Variants in ABLIM1 observed in about 807,000 individuals in gnomAD.
ABLIM1 encodes actin-binding LIM protein 1.
A neutral mutation model predicts 107.0 loss-of-function variants in ABLIM1; 40 were observed. The observed-to-expected ratio is 0.37, with a 90% CI of 0.29 to 0.49. The LOEUF is 0.49. Ranked by LOEUF, ABLIM1 falls within the 20% of genes least tolerant of loss-of-function variation. The pLI is 0.97. For synonymous variants in ABLIM1, 357 were observed against 357.3 expected, an observed-to-expected ratio of 1.00 and a Z score of 0.01; for missense variants, 857 against 1,008.5, an observed-to-expected ratio of 0.85 and a Z score of 2.04.
rs754739018 is a variant in ABLIM1, at chr10:114,436,243, C to T, written c.*17G>A. 2.1e-5 allele frequency: 34 copies of T among 1,591,252 alleles called. No homozygotes were observed. Among genetic ancestry groups the T allele is most frequent in the African/African-American group, 2.7e-5 (2 of 74,356 alleles). ...CCACTGTCAGTCCTTTCTCTAATTG[C>T]CATTCACGAGTGGGACTTAGAAGAG... is the stretch of plus-strand genomic sequence containing the variant. On this transcript the variant is annotated 3_prime_UTR_variant, in exon 23 of 23. Coordinates refer to ENST00000533213, the MANE Select transcript of ABLIM1 (RefSeq NM_002313.7).
chr10:114,500,043 TC>T (rs2060189333), intron 6 of ABLIM1, among the ~76,000 whole-genome samples: 1 of 152,308 alleles, frequency 6.6e-6, no homozygotes, highest in South Asian at 2.1e-4. Context: ...GGTGAATAAA[TC>T]AGTCTGCCCA....
At chr10:114,484,444 G>A (rs985526699) in intron 8 of ABLIM1, among the ~76,000 whole-genome samples, 13 of 151,984 alleles carry the variant, frequency 8.6e-5, no homozygotes, top group South Asian at 8.3e-4. Flanking sequence ...GTGCAGTGGC[G>A]CAATCTTGGC....
intron 1 of ABLIM1, among the ~76,000 whole-genome samples, chr10:114,645,067 T>C (rs1446523652): frequency 6.6e-6 from 1 of 152,168 alleles, no homozygotes; most frequent in Non-Finnish European, 1.5e-5. Flanking sequence ...TCCATTAGAA[T>C]GGAGAGGGAA....
chr10:114,761,066 A>C (rs1033366248), intron 1 of ABLIM1, among the ~76,000 whole-genome samples: 4 of 152,172 alleles, frequency 2.6e-5, no homozygotes, highest in Non-Finnish European at 5.9e-5. Context: ...ATATCACACC[A>C]AATAAGAACT....
At chr10:114,660,168 A>G (rs2079726927), upstream of ABLIM1, among the ~76,000 whole-genome samples, 1 of 152,198 alleles carries the variant, frequency 6.6e-6, no homozygotes, top group African/African-American at 2.4e-5. Flanking sequence ...ATTAAGCCCA[A>G]CACCAACCTC....
In ABLIM1 at chr10:114,579,871, CA is replaced by C. The variant is rs535833246; in HGVS notation, c.380-4273del. Among the ~76,000 whole-genome samples the C allele has an allele frequency of 4.0e-3, 612 of 152,114 alleles. 3 individuals are homozygous for C. The highest frequency in any genetic ancestry group is 0.02 in the Middle Eastern group (6 of 294). On this transcript the variant is annotated intron_variant, in intron 2 of 22. Coordinates refer to ENST00000533213, the MANE Select transcript of ABLIM1 (RefSeq NM_002313.7). ...CACAGTAATGTTAAGAAAAATTATC[CA>C]AAACTTGTAAACAAGGTAAAGGGAA...
rs2134013788 is a variant in ABLIM1 at position 114,473,866 on chromosome 10, A to T, written c.1119+13T>A. The T allele has an allele frequency of 6.3e-7, 1 of 1,597,226 alleles. No homozygotes were observed. Among genetic ancestry groups the T allele is most frequent in the East Asian group, 2.2e-5 (1 of 44,728 alleles). ...CTGTCCCAGAAATGTCACTTCCAGA[A>T]GTAGATACTTACATAGATAGTATGA... On this transcript the variant is annotated intron_variant, in intron 9 of 22. Transcript: ENST00000533213.
intron 1 of ABLIM1, among the ~76,000 whole-genome samples, chr10:114,680,523 A>T (rs2080701316): frequency 6.6e-6 from 1 of 152,210 alleles, no homozygotes; most frequent in Non-Finnish European, 1.5e-5. Context: ...ATAAATCCCC[A>T]ATCCTCTGTG....
intron 10 of ABLIM1, among the ~76,000 whole-genome samples, chr10:114,471,477 T>C (rs943344431): frequency 2.6e-5 from 4 of 152,178 alleles, no homozygotes; most frequent in African/African-American, 7.2e-5. Context: ...TGGGGTTCAA[T>C]GGCAACTGAC....
chr10:114,594,926 A>G (rs1291066266), intron 2 of ABLIM1: 1 of 152,220 alleles, frequency 6.6e-6, no homozygotes, highest in East Asian at 1.9e-4. Flanking sequence ...CTTACTCTCT[A>G]GTAGGAGGTG....
chr10:114,480,808 G>C (rs901550171), intron 8 of ABLIM1, among the ~76,000 whole-genome samples: 4 of 152,142 alleles, frequency 2.6e-5, no homozygotes, highest in Admixed American at 2.6e-4. Context: ...ACACTTTCAT[G>C]TCTTTACGTT....
At chr10:114,687,120 C>G (rs918471091), upstream of ABLIM1, among the ~76,000 whole-genome samples, 1 of 152,168 alleles carries the variant, frequency 6.6e-6, no homozygotes, top group Non-Finnish European at 1.5e-5. Flanking sequence ...TGCATCTTCA[C>G]CTGTATTTGA....
chr10:114,458,619 C>A (rs1016247879), intron 12 of ABLIM1, among the ~76,000 whole-genome samples: 4 of 152,160 alleles, frequency 2.6e-5, no homozygotes, highest in Admixed American at 6.6e-5. Flanking sequence ...CGGTTCTTGT[C>A]TAAAGCGTCA....
intron 4 of ABLIM1, among the ~76,000 whole-genome samples, chr10:114,571,016 G>C (rs1214581463): frequency 6.6e-6 from 1 of 152,142 alleles, no homozygotes; most frequent in Non-Finnish European, 1.5e-5. Context: ...CACCTAGGCT[G>C]ATGCTCGTCA....
chr10:114,635,246 C>T (rs1469027546), intron 1 of ABLIM1, among the ~76,000 whole-genome samples: 1 of 152,230 alleles, frequency 6.6e-6, no homozygotes, highest in Non-Finnish European at 1.5e-5. Context: ...GACCAAAGGA[C>T]AGAAACCATT....
intron 11 of ABLIM1, 124 bp from the exon 12 acceptor site, chr10:114,465,951 A>G (rs2065058255): frequency 8.9e-7 from 1 of 1,127,762 alleles, no homozygotes. Context: ...ATATGCACTT[A>G]TTTTTATGTG....
chr10:114,669,993 G>A (rs1412779854), intron 1 of ABLIM1, among the ~76,000 whole-genome samples: 1 of 152,206 alleles, frequency 6.6e-6, no homozygotes, highest in African/African-American at 2.4e-5. Context: ...TAGGAAAAGA[G>A]CTTGTTAAGG....
At chr10:114,579,577 T>C (rs1053747487) in intron 2 of ABLIM1, among the ~76,000 whole-genome samples, 2 of 152,218 alleles carry the variant, frequency 1.3e-5, no homozygotes, top group African/African-American at 4.8e-5. Context: ...ATTTTATTTT[T>C]AATTGTGACA....
At position 114,714,548 on chromosome 10, in the gene ABLIM1, AT is replaced by A. The variant is rs556864704; in HGVS notation, c.-213+53512del. Among the ~76,000 whole-genome samples, 897 of 152,348 alleles carry A rather than the reference AT, an allele frequency of 5.9e-3. 9 individuals are homozygous for A. Among genetic ancestry groups the A allele is most frequent in the African/African-American group, 0.02 (829 of 41,584 alleles). ...ACTGAGGTTACCAACAGATTCCCAC[AT>A]CAGAGCTGGATGTGTCCAATATCCA... is the stretch of plus-strand genomic sequence containing the variant. On this transcript the variant is annotated intron_variant, in intron 1 of 15. Coordinates refer to the ABLIM1 transcript ENST00000651092.
Sources: allele counts gnomAD v4.1 joint callset (sites outside exome capture counted in the v4.1 genomes callset), GRCh38; gene constraint gnomAD v4.1.1; transcripts MANE v1.5; gene names NCBI Gene and HGNC (gene_info 2026-07-23, HGNC 2026-07-21).